TPD52: variants seen among roughly 807,000 people sequenced by gnomAD.
TPD52 encodes the protein tumor protein D52.
Under a neutral mutation model 31.3 loss-of-function variants are expected in TPD52, and 17 were observed. That is an observed-to-expected ratio of 0.54 (90% CI 0.37 to 0.82). The LOEUF (loss-of-function observed/expected upper bound fraction) is 0.82, where lower values mean the gene tolerates loss of function less well. Ranked by LOEUF, TPD52 falls within the 40% of genes least tolerant of loss-of-function variation. The pLI, the probability that TPD52 is intolerant of heterozygous loss-of-function variation, is 0.00. For missense variants in TPD52, 212 were observed against 240.1 expected (o/e 0.88, Z 0.77); for synonymous variants, 83 against 89.6 (o/e 0.93, Z 0.42).
chr8:80,084,265 C>T (rs765033930), intron 1 of TPD52, among the ~76,000 whole-genome samples: 4 of 152,220 alleles, frequency 2.6e-5, no homozygotes, highest in South Asian at 2.1e-4. Flanking sequence ...GTTCCCACCC[C>T]CTGGCCCCAG....
At chr8:80,074,046 T>C (rs1254338659) in intron 1 of TPD52, among the ~76,000 whole-genome samples, 1 of 152,202 alleles carries the variant, frequency 6.6e-6, no homozygotes, top group African/African-American at 2.4e-5. Context: ...AGCCTGAATG[T>C]TAACACTGCC....
chr8:80,086,894 A>T (rs1335954694), intron 1 of TPD52, among the ~76,000 whole-genome samples: 1 of 151,496 alleles, frequency 6.6e-6, no homozygotes, highest in East Asian at 1.9e-4. Context: ...AAAAAAAAAA[A>T]AAAAAAAAAA....
chr8:80,114,334 A>G (rs535346725), intron 1 of TPD52, among the ~76,000 whole-genome samples: 38 of 152,260 alleles, frequency 2.5e-4, no homozygotes, highest in African/African-American at 8.9e-4. Context: ...TTTTCAACAG[A>G]ATATATTACC....
chr8:80,064,729 C>T (rs1812934653), intron 1 of TPD52, 136 bp from the exon 2 acceptor site: 2 of 725,066 alleles, frequency 2.8e-6, no homozygotes, highest in Admixed American at 2.1e-5. Flanking sequence ...TTCAAATGAC[C>T]TGGCTTTCTC....
At chr8:80,132,541 A>G (rs1390178867) in intron 1 of TPD52, among the ~76,000 whole-genome samples, 1 of 152,174 alleles carries the variant, frequency 6.6e-6, no homozygotes, top group Non-Finnish European at 1.5e-5. Flanking sequence ...CGTGAAAATT[A>G]ACTTTTCTAT....
intron 1 of TPD52, among the ~76,000 whole-genome samples, chr8:80,109,770 T>C (rs942608569): frequency 2.0e-5 from 3 of 152,282 alleles, no homozygotes; most frequent in Admixed American, 6.5e-5. Flanking sequence ...AAAGAAACAA[T>C]AGTACACCTG....
downstream of TPD52, among the ~76,000 whole-genome samples, chr8:80,033,932 C>T (rs1809758667): frequency 6.6e-6 from 1 of 152,042 alleles, no homozygotes; most frequent in Non-Finnish European, 1.5e-5. Flanking sequence ...GCAGCCTGGC[C>T]CCCAGGCTTC....
In TPD52 at chr8:80,171,410, G is replaced by A. The variant is rs755811731; in HGVS notation, c.19+15C>T. 2 of 1,596,202 alleles carry A rather than the reference G, an allele frequency of 1.3e-6. No homozygotes were observed. The highest frequency in any genetic ancestry group is 2.2e-5 in the East Asian group (1 of 44,524). ...TCCAAGCCCGAGCCCAAGCCCGCTG[G>A]GTCCGCGCCCTCACCTTGCTCGCCG... On this transcript the variant is annotated intron_variant, in intron 1 of 7. Transcript: ENST00000518937.
At chr8:80,157,214 C>T (rs1166163322) in intron 1 of TPD52, among the ~76,000 whole-genome samples, 1 of 151,460 alleles carries the variant, frequency 6.6e-6, no homozygotes, top group Non-Finnish European at 1.5e-5. Flanking sequence ...CAGCCCCAGA[C>T]AGAGCCCAAC....
At chr8:80,101,471 A>G (rs1010482484) in intron 1 of TPD52, among the ~76,000 whole-genome samples, 1 of 140,012 alleles carries the variant, frequency 7.1e-6, no homozygotes, top group African/African-American at 3.1e-5. Flanking sequence ...AAAAAAAAAA[A>G]AAAAAAGAAT....
intron 1 of TPD52, among the ~76,000 whole-genome samples, chr8:80,168,374 G>A (rs1415092018): frequency 6.6e-6 from 1 of 152,146 alleles, no homozygotes; most frequent in East Asian, 1.9e-4. Context: ...TAAGACAAGA[G>A]GTAGGGCATT....
Position 80,056,985 on chromosome 8 carries a change from A to G in TPD52, c.136-3555T>C, listed in dbSNP as rs191255988. Among the ~76,000 whole-genome samples, 58 of 152,266 alleles carry G rather than the reference A, an allele frequency of 3.8e-4. No homozygotes were observed. The East Asian group carries it at 0.01, about 27-fold the overall frequency. On this transcript the variant is annotated intron_variant, in intron 2 of 7. Coordinates refer to ENST00000518937, the MANE Select transcript of TPD52 (RefSeq NM_001025253.3). ...GGGGTTTGAGACCAGCCTGGCTAAC[A>G]TGGTGAAACCCCATACTACTAAAAC...
chr8:80,071,128 G>A (rs1175221798), intron 1 of TPD52, among the ~76,000 whole-genome samples: 2 of 152,150 alleles, frequency 1.3e-5, no homozygotes, highest in African/African-American at 4.8e-5. Flanking sequence ...TGCCCTGCAC[G>A]TTTCACAGGG....
chr8:80,078,485 G>A (rs1287877766), intron 1 of TPD52, among the ~76,000 whole-genome samples: 2 of 152,162 alleles, frequency 1.3e-5, no homozygotes, highest in Admixed American at 1.3e-4. Context: ...TCATTCCATC[G>A]ACCAACCATG....
rs1563622973 is a variant in TPD52, at chr8:80,096,318, A to AC, written c.20-31726_20-31725insG. Among the ~76,000 whole-genome samples the AC allele has an allele frequency of 3.2e-3, 482 of 151,030 alleles. 2 individuals are homozygous for AC. Among genetic ancestry groups the AC allele is most frequent in the African/African-American group, 0.011 (454 of 41,172 alleles). ...CACACACACACACACACACACACACAAACTTCTCCTAGTCTGCCTGGGGTA... is the reference window on the plus strand; with the variant it reads ...CACACACACACACACACACACACACACAACTTCTCCTAGTCTGCCTGGGGTA... On this transcript the variant is annotated intron_variant, in intron 1 of 7. Coordinates refer to ENST00000518937, the MANE Select transcript of TPD52 (RefSeq NM_001025253.3).
chr8:80,134,672 T>A (rs1809265149), intron 1 of TPD52, among the ~76,000 whole-genome samples: 1 of 152,172 alleles, frequency 6.6e-6, no homozygotes, highest in Non-Finnish European at 1.5e-5. Context: ...CAGCTCCAAG[T>A]GGAGGTCCAC....
intron 1 of TPD52, among the ~76,000 whole-genome samples, chr8:80,133,941 G>C (rs1342431923): frequency 6.6e-6 from 1 of 152,094 alleles, no homozygotes; most frequent in Non-Finnish European, 1.5e-5. Flanking sequence ...AGATACAGAG[G>C]ACTAGAAGTC....
intron 1 of TPD52, among the ~76,000 whole-genome samples, chr8:80,088,011 C>T (rs1338689576): frequency 1.3e-5 from 2 of 152,186 alleles, no homozygotes; most frequent in African/African-American, 2.4e-5. Context: ...TAAACCTCTG[C>T]CTCTCCCTAT....
At chr8:80,158,663 C>CG (rs1054542614) in intron 1 of TPD52, 1 of 151,418 alleles carries the variant, frequency 6.6e-6, no homozygotes, top group Non-Finnish European at 1.5e-5. Context: ...AGAAGTAGGC[C>CG]GGGCGCGGTG....
Sources: allele counts gnomAD v4.1 joint callset (sites outside exome capture counted in the v4.1 genomes callset), GRCh38; gene constraint gnomAD v4.1.1; transcripts MANE v1.5; gene names NCBI Gene and HGNC (gene_info 2026-07-23, HGNC 2026-07-21).